CD163L1: variants seen among roughly 807,000 people sequenced by gnomAD.
CD163L1 encodes the protein CD163 molecule like 1.
CD163L1 carries 124 observed loss-of-function variants against 165.4 expected under a neutral mutation model. The observed-to-expected ratio is 0.75, with a 90% CI of 0.65 to 0.87. The LOEUF is 0.87. Among genes scored for constraint, CD163L1 ranks in the 40% least tolerant of loss-of-function variants. The probability of loss-of-function intolerance (pLI) is 0.00; values close to 1 mark genes in which losing one functional copy is unlikely to be tolerated. For missense variants in CD163L1, 1,525 were observed against 1,799.9 expected (o/e 0.85, Z 2.76); for synonymous variants, 585 against 662.2 (o/e 0.88, Z 1.79).
At chr12:7,370,484 A>G (rs1245287800) in intron 14 of CD163L1, among the ~76,000 whole-genome samples, 3 of 151,524 alleles carry the variant, frequency 2.0e-5, no homozygotes, top group Non-Finnish European at 2.9e-5. Flanking sequence ...GGATTTCTCT[A>G]TTGGATTTTA....
Position 7,425,661 on chromosome 12 carries a change from G to C in CD163L1, c.766+6755C>G, listed in dbSNP as rs897780139. 3.9e-5 allele frequency among the ~76,000 whole-genome samples: 6 copies of C among 152,070 alleles called. No homozygotes were observed. In the East Asian group the frequency reaches 1.2e-3, roughly 29 times the overall value. ...AAAAAAAACAACCCCATCAAAAAGTGGGCAAAGGATGTGAACAGACATTAT... is the reference window on the plus strand; with the variant it reads ...AAAAAAAACAACCCCATCAAAAAGTCGGCAAAGGATGTGAACAGACATTAT... On this transcript the variant is annotated intron_variant, in intron 4 of 19. Coordinates refer to ENST00000313599, the MANE Select transcript of CD163L1 (RefSeq NM_174941.6).
At chr12:7,414,707 G>A (rs1428327603) in intron 4 of CD163L1, among the ~76,000 whole-genome samples, 1 of 152,054 alleles carries the variant, frequency 6.6e-6, no homozygotes, top group African/African-American at 2.4e-5. Context: ...GTTGAAAGCA[G>A]CAACAGAAAA....
the CD163L1 span, among the ~76,000 whole-genome samples, chr12:7,323,749 G>T: frequency 6.6e-6 from 1 of 152,130 alleles, no homozygotes. Context: ...CAGTTGCAGT[G>T]GTTATCCTCA....
At chr12:7,410,763 G>C (rs906367458) in intron 4 of CD163L1, among the ~76,000 whole-genome samples, 3 of 151,826 alleles carry the variant, frequency 2.0e-5, no homozygotes, top group Admixed American at 6.6e-5. Context: ...CCAGGAGGCA[G>C]AGGTTGCAGT....
At position 7,368,122 on chromosome 12, in the gene CD163L1, C is replaced by T; in HGVS notation, c.4148G>A (p.Cys1383Tyr). The T allele has an allele frequency of 1.2e-6, 2 of 1,612,270 alleles. No homozygotes were observed. Among genetic ancestry groups the T allele is most frequent in the South Asian group, 1.1e-5 (1 of 91,034 alleles). Residue 1383 changes from cysteine to tyrosine, a missense_variant, in exon 17 of 20, where the codon TGC (cysteine) becomes TAC (tyrosine). Coordinates refer to ENST00000313599, the MANE Select transcript of CD163L1 (RefSeq NM_174941.6). This position sits in a 1 kb window ranked among gnomAD's most constrained non-coding sequence, Gnocchi z 4.3. ...LVLFILFLTW[C>Y]RVQKQKHLPL... ...CAGATGTTTTTGTTTCTGAACTCGG[C>T]ACCACGTGAGAAATAGAATAAACAG...
chr12:7,413,582 A>G (rs1257671241), intron 4 of CD163L1, among the ~76,000 whole-genome samples: 2 of 152,216 alleles, frequency 1.3e-5, no homozygotes, highest in African/African-American at 4.8e-5. Flanking sequence ...GCCCCTGGGC[A>G]GTGCCCCACA....
intron 6 of CD163L1, among the ~76,000 whole-genome samples, chr12:7,399,660 T>A (rs1175154465): frequency 3.3e-5 from 5 of 151,760 alleles, no homozygotes; most frequent in African/African-American, 4.8e-5. Context: ...GCTAGAGTGC[T>A]GTGGCACAAT....
At chr12:7,417,765 C>A (rs190084399) in intron 4 of CD163L1, among the ~76,000 whole-genome samples, 1 of 152,026 alleles carries the variant, frequency 6.6e-6, no homozygotes, top group Admixed American at 6.6e-5. Flanking sequence ...ATGAAGACGA[C>A]TTGATCTTGG....
the CD163L1 span, among the ~76,000 whole-genome samples, chr12:7,325,961 C>A: frequency 6.6e-6 from 1 of 152,168 alleles, no homozygotes; most frequent in Non-Finnish European, 1.5e-5. Context: ...CTATTCCATT[C>A]TCAAAAATAG....
At chr12:7,353,434 TAAGG>T (rs141868263), downstream of CD163L1, among the ~76,000 whole-genome samples, 10,201 of 152,032 alleles carry the variant, frequency 0.067, 709 homozygotes, top group Admixed American at 0.22. Flanking sequence ...CAATGAAACT[TAAGG>T]AAGACAAACA....
In CD163L1 at chr12:7,355,096, G is replaced by C. The variant is rs1946746637; in HGVS notation, c.*59C>G. The C allele has an allele frequency of 6.6e-6, 1 of 152,068 alleles. No individual in the cohort carries two copies. The highest frequency in any genetic ancestry group is 2.1e-4 in the South Asian group (1 of 4,826). 9.4% of individuals were successfully genotyped at this position (152,068 alleles called of 1,614,324 possible). A position where few individuals can be genotyped will look rare whatever the true frequency, so the allele number is the denominator to read the frequency against. ...TGACTTCCTCTTTATTCATTTAAAA[G>C]TTGTTGTCTCCTTCAAAGATATTTA... On this transcript the variant is annotated 3_prime_UTR_variant, in exon 20 of 20. Coordinates refer to ENST00000313599, the MANE Select transcript of CD163L1 (RefSeq NM_174941.6).
chr12:7,372,539 T>C lies in CD163L1; in HGVS notation c.3730+781A>G, dbSNP rs1179632237. 2.0e-5 allele frequency among the ~76,000 whole-genome samples: 3 copies of C among 152,028 alleles called. No homozygotes were observed. The highest frequency in any genetic ancestry group is 4.4e-5 in the Non-Finnish European group (3 of 67,930). On this transcript the variant is annotated intron_variant, in intron 14 of 19. Coordinates refer to ENST00000313599, the MANE Select transcript of CD163L1 (RefSeq NM_174941.6). This position sits in a 1 kb window ranked among gnomAD's most constrained non-coding sequence, Gnocchi z 4.2. ...TTGTATGCCATTTGAAGGCTATTCATTGAAATTAGAATATATTTACAGTAT... is the reference window on the plus strand; with the variant it reads ...TTGTATGCCATTTGAAGGCTATTCACTGAAATTAGAATATATTTACAGTAT...
At chr12:7,335,655 A>G in the CD163L1 span, among the ~76,000 whole-genome samples, 5 of 152,220 alleles carry the variant, frequency 3.3e-5, no homozygotes, top group African/African-American at 1.2e-4. Flanking sequence ...AAAATTGACA[A>G]ATGGGATCTA....
rs1948652160 is a variant in CD163L1 at position 7,432,798 on chromosome 12, A to C, written c.446-62T>G. The C allele has an allele frequency of 1.4e-6, 2 of 1,408,036 alleles. No individual in the cohort carries two copies. Among genetic ancestry groups the C allele is most frequent in the East Asian group, 4.6e-5 (2 of 43,470 alleles). The allele number at this position is 1,408,036 out of a possible 1,614,324, so 87.2% of individuals were successfully genotyped here. ...TCAACTTTGAGCCTGAAATAAAATC[A>C]AAAGGATACGTAGAAGACAGCCCTG... On this transcript the variant is annotated intron_variant, in intron 3 of 19. Coordinates refer to ENST00000313599, the MANE Select transcript of CD163L1 (RefSeq NM_174941.6). The surrounding 1 kb of genome is among the most constrained non-coding windows in gnomAD (Gnocchi z 4.2).
At chr12:7,365,362 T>G (rs1946991670) in intron 18 of CD163L1, among the ~76,000 whole-genome samples, 1 of 152,218 alleles carries the variant, frequency 6.6e-6, no homozygotes, top group South Asian at 2.1e-4. Flanking sequence ...TGGGCAAAGA[T>G]TTTTGGGTAA....
chr12:7,383,878 T>C (rs1433871057), intron 8 of CD163L1, among the ~76,000 whole-genome samples: 1 of 152,126 alleles, frequency 6.6e-6, no homozygotes, highest in Non-Finnish European at 1.5e-5. Flanking sequence ...GATGCACAGA[T>C]ATCAATGTAA....
At position 7,421,456 on chromosome 12, in the gene CD163L1, CAT is replaced by C. The variant is rs572083778; in HGVS notation, c.766+10958_766+10959del. On this transcript the variant is annotated intron_variant, in intron 4 of 19. Transcript: ENST00000313599. Reference sequence around the variant, plus strand: ...ACATATATACATATACATATATGTACATATATACATATATATACATATATGTA... The same window carrying C: ...ACATATATACATATACATATATGTACATATACATATATATACATATATGTA... Among the ~76,000 whole-genome samples, 93 of 100,234 alleles carry C rather than the reference CAT, an allele frequency of 9.3e-4. 4 individuals are homozygous for C. Among genetic ancestry groups the C allele is most frequent in the South Asian group, 8.2e-3 (24 of 2,922 alleles). 65.8% of individuals were successfully genotyped at this position (100,234 alleles called of 152,430 possible).
At chr12:7,439,093 C>T in intron 2 of CD163L1, 1 of 1,576,728 alleles carries the variant, frequency 6.3e-7, no homozygotes, top group Non-Finnish European at 8.6e-7. Flanking sequence ...CTGTGTCCTG[C>T]CCTGCTCTCT....
At chr12:7,373,682 G>C (rs1217132641) in intron 13 of CD163L1, 42 bp from the exon 14 acceptor site, 2 of 1,502,728 alleles carry the variant, frequency 1.3e-6, no homozygotes, top group African/African-American at 1.4e-5. Context: ...ATTTCCTTTG[G>C]AGTTGGAAAA....
Sources: allele counts gnomAD v4.1 joint callset (sites outside exome capture counted in the v4.1 genomes callset), GRCh38; gene constraint gnomAD v4.1.1; non-coding constraint Gnocchi (gnomAD v3.1); transcripts MANE v1.5; gene names NCBI Gene and HGNC (gene_info 2026-07-23, HGNC 2026-07-21).